The following SLC4A4 variants were observed in gnomAD, a reference collection of about 807,000 sequenced individuals.
SLC4A4 encodes electrogenic sodium bicarbonate cotransporter 1.
In SLC4A4, 27 loss-of-function variants were observed where a neutral mutation model predicts 111.5. That is an observed-to-expected ratio of 0.24 (90% CI 0.18 to 0.33). The LOEUF (loss-of-function observed/expected upper bound fraction) is 0.33. Ranked by LOEUF, SLC4A4 falls within the 10% of genes least tolerant of loss-of-function variation. The probability of loss-of-function intolerance (pLI) is 1.00; values close to 1 mark genes in which losing one functional copy is unlikely to be tolerated. For missense variants in SLC4A4, 909 were observed against 1,315.5 expected (o/e 0.69, Z 4.78); for synonymous variants, 443 against 463.4 (o/e 0.96, Z 0.57).
chr4:71,540,105 C>T (rs1293647238), intron 18 of SLC4A4, among the ~76,000 whole-genome samples: 3 of 152,130 alleles, frequency 2.0e-5, no homozygotes, highest in African/African-American at 7.2e-5. Flanking sequence ...AATTTGTGTA[C>T]AAGTCTGTGT....
At chr4:71,527,918 G>C (rs902740063) in intron 16 of SLC4A4, among the ~76,000 whole-genome samples, 1 of 151,976 alleles carries the variant, frequency 6.6e-6, no homozygotes, top group Non-Finnish European at 1.5e-5. Context: ...AATATAGATA[G>C]GAAAGAAGAG....
At chr4:71,208,554 C>A (rs1717933348) in intron 1 of SLC4A4, among the ~76,000 whole-genome samples, 1 of 151,366 alleles carries the variant, frequency 6.6e-6, no homozygotes, top group Non-Finnish European at 1.5e-5. Flanking sequence ...TGTGGTATTA[C>A]ACAATTTATC....
intron 2 of SLC4A4, among the ~76,000 whole-genome samples, chr4:71,171,835 C>A (rs1477839790): frequency 1.3e-5 from 2 of 151,996 alleles, no homozygotes; most frequent in African/African-American, 4.8e-5. Context: ...AATGGAATGT[C>A]TTTTACTCTT....
chr4:71,291,341 T>G (rs1029251149), intron 3 of SLC4A4, among the ~76,000 whole-genome samples: 12 of 152,246 alleles, frequency 7.9e-5, no homozygotes, highest in Non-Finnish European at 1.6e-4. Context: ...ATAATAAAAT[T>G]TAAAAAAAGT....
intron 7 of SLC4A4, among the ~76,000 whole-genome samples, chr4:71,429,725 T>C (rs750061399): frequency 9.2e-5 from 14 of 152,282 alleles, no homozygotes; most frequent in Non-Finnish European, 1.9e-4. Context: ...GTTCTTGTAG[T>C]TGACCCTGCA....
chr4:71,535,574 C>A (rs1245530402), intron 18 of SLC4A4, among the ~76,000 whole-genome samples: 3 of 152,080 alleles, frequency 2.0e-5, no homozygotes, highest in African/African-American at 7.2e-5. Context: ...ACAATGACGT[C>A]CATCAAAACT....
At chr4:71,391,739 A>G (rs1406651682) in intron 6 of SLC4A4, among the ~76,000 whole-genome samples, 1 of 151,638 alleles carries the variant, frequency 6.6e-6, no homozygotes, top group Non-Finnish European at 1.5e-5. Context: ...TTTTTTTTTA[A>G]ATGAATCTTA....
intron 2 of SLC4A4, among the ~76,000 whole-genome samples, chr4:71,119,247 C>A (rs1743351553): frequency 6.6e-6 from 1 of 152,152 alleles, no homozygotes; most frequent in South Asian, 2.1e-4. Context: ...AGAAATATAT[C>A]CCACTATTTT....
At chr4:71,430,236 T>C (rs1161366213) in intron 7 of SLC4A4, among the ~76,000 whole-genome samples, 1 of 152,142 alleles carries the variant, frequency 6.6e-6, no homozygotes, top group Non-Finnish European at 1.5e-5. Flanking sequence ...ACAGGGTGTC[T>C]GTTTTCTACA....
chr4:71,271,157 AAAT>A (rs1266825595), intron 3 of SLC4A4, among the ~76,000 whole-genome samples: 8 of 152,288 alleles, frequency 5.3e-5, no homozygotes, highest in Non-Finnish European at 1.2e-4. Context: ...CTGATTATAA[AAAT>A]AATAATACCT....
At chr4:71,526,147 CCCTA>C (rs1340511206) in intron 16 of SLC4A4, among the ~76,000 whole-genome samples, 1 of 151,930 alleles carries the variant, frequency 6.6e-6, no homozygotes, top group Non-Finnish European at 1.5e-5. Context: ...AAAATAGCAC[CCCTA>C]CCTGTCTTCT....
intron 12 of SLC4A4, among the ~76,000 whole-genome samples, chr4:71,457,903 T>G (rs1170907320): frequency 2.0e-5 from 3 of 152,156 alleles, no homozygotes; most frequent in Admixed American, 1.3e-4. Flanking sequence ...ATACTTTAAA[T>G]TATCTCTAGG....
At chr4:71,299,385 A>G (rs189785353) in intron 3 of SLC4A4, among the ~76,000 whole-genome samples, 34 of 152,346 alleles carry the variant, frequency 2.2e-4, no homozygotes, top group African/African-American at 7.9e-4. Context: ...CTGGTCAGAC[A>G]TTGAGAGACC....
intron 2 of SLC4A4, among the ~76,000 whole-genome samples, chr4:71,139,551 C>T (rs957462419): frequency 2.6e-5 from 4 of 152,160 alleles, no homozygotes; most frequent in Admixed American, 2.6e-4. Context: ...ATAAGCCCTG[C>T]CCATGTTCCT....
At chr4:71,300,989 C>A in intron 3 of SLC4A4, 1 of 473,842 alleles carries the variant, frequency 2.1e-6, no homozygotes, top group Admixed American at 2.2e-5. Context: ...CAGCTTAGTG[C>A]CAGAGTGGGG....
chr4:71,197,770 C>G (rs1339727592), intron 1 of SLC4A4, among the ~76,000 whole-genome samples: 1 of 152,078 alleles, frequency 6.6e-6, no homozygotes, highest in Non-Finnish European at 1.5e-5. Flanking sequence ...TATACTTGCT[C>G]TGAAGAAATA....
intron 6 of SLC4A4, among the ~76,000 whole-genome samples, chr4:71,387,782 C>T (rs1396530001): frequency 2.6e-5 from 4 of 152,160 alleles, no homozygotes; most frequent in South Asian, 2.1e-4. Flanking sequence ...TGTGAGCCAC[C>T]GTGCCTGGCC....
At chr4:71,232,220 A>G (rs1719481687) in intron 1 of SLC4A4, among the ~76,000 whole-genome samples, 1 of 152,160 alleles carries the variant, frequency 6.6e-6, no homozygotes. Context: ...ATAGTCTTGG[A>G]GGGAATGTGA....
intron 2 of SLC4A4, among the ~76,000 whole-genome samples, chr4:71,249,399 T>G (rs796598392): frequency 2.2e-4 from 33 of 152,290 alleles, no homozygotes; most frequent in African/African-American, 7.2e-4. Context: ...GTTCTGAGTC[T>G]GGACCCTCAT....
Sources: allele counts gnomAD v4.1 joint callset (sites outside exome capture counted in the v4.1 genomes callset), GRCh38; gene constraint gnomAD v4.1.1; transcripts MANE v1.5; gene names NCBI Gene and HGNC (gene_info 2026-07-23, HGNC 2026-07-21).